The following MAP3K15 variants were observed in gnomAD, a reference collection of about 807,000 sequenced individuals.
MAP3K15 encodes mitogen-activated protein kinase kinase kinase 15, also known as MAPK/ERK kinase kinase 15.
A neutral mutation model predicts 99.5 loss-of-function variants in MAP3K15; 124 were observed. That is an observed-to-expected ratio of 1.25 (90% CI 1.08 to 1.45). The LOEUF is 1.45. Ranked by LOEUF, MAP3K15 falls within the 40% of genes most tolerant of loss-of-function variation. The pLI, the probability that MAP3K15 is intolerant of heterozygous loss-of-function variation, is 0.00. For missense variants in MAP3K15, 1,242 were observed against 1,079.7 expected (o/e 1.15, Z -2.11); for synonymous variants, 494 against 439.6 (o/e 1.12, Z -1.55).
In MAP3K15 at chrX:19,515,121, G is replaced by A; in HGVS notation, c.141C>T (p.Gly47=). 1 of 806,592 alleles carries A rather than the reference G, an allele frequency of 1.2e-6. No homozygotes were observed. Among genetic ancestry groups the A allele is most frequent in the Non-Finnish European group, 1.5e-6 (1 of 652,773 alleles). 66.5% of individuals were successfully genotyped at this position (806,592 alleles called of 1,213,427 possible). A position where few individuals can be genotyped will look rare whatever the true frequency, so the allele number is the denominator to read the frequency against. ...CGCCCCCACTCTCGCCCTCGCCGCT[G>A]CCGCCTGCCGCGCCCTCCGCCGCCC... The part of the protein sequence containing the change: ...PDGAAEGAAG[G]SGEGESGGGP... Residue 47 remains glycine (G), a synonymous_variant, in exon 1 of 29, where the codon GGC becomes GGT. Coordinates refer to ENST00000338883, the MANE Select transcript of MAP3K15 (RefSeq NM_001001671.4).
At chrX:19,435,981 C>G (rs1339091803) in intron 6 of MAP3K15, among the ~76,000 whole-genome samples, 1 of 111,121 alleles carries the variant, frequency 9.0e-6, no homozygotes, top group Non-Finnish European at 1.9e-5. Flanking sequence ...TGGTGAAACC[C>G]TGTCTCCACT....
At chrX:19,512,720 A>C (rs760012436) in intron 1 of MAP3K15, among the ~76,000 whole-genome samples, 149 of 103,353 alleles carry the variant, frequency 1.4e-3, no homozygotes, top group African/African-American at 5.4e-3. Flanking sequence ...TGGCCTTCCA[A>C]AGGGCTGGGA....
intron 4 of MAP3K15, among the ~76,000 whole-genome samples, chrX:19,462,462 T>A (rs2064139445): frequency 8.9e-6 from 1 of 112,412 alleles, no homozygotes; most frequent in South Asian, 3.7e-4. Context: ...TGGTGGACTA[T>A]AAAGGCACTG....
rs769915784 is a variant in MAP3K15 at position 19,486,027 on chromosome X, C to G, written c.525+455G>C. On this transcript the variant is annotated intron_variant, in intron 3 of 28. Coordinates refer to ENST00000338883, the MANE Select transcript of MAP3K15 (RefSeq NM_001001671.4). ...AAATGGGACAGAAGGAAGTAGAATT[C>G]CATCCCACTTCTTTTCCGTTTGTGG... Among the ~76,000 whole-genome samples, 11 of 111,985 alleles carry G rather than the reference C, an allele frequency of 9.8e-5. No individual in the cohort carries two copies. In the East Asian group the frequency reaches 2.2e-3, roughly 23 times the overall value.
At chrX:19,446,038 G>A (rs1165596144) in intron 6 of MAP3K15, among the ~76,000 whole-genome samples, 4 of 111,918 alleles carry the variant, frequency 3.6e-5, no homozygotes, top group Non-Finnish European at 1.9e-5. Flanking sequence ...CTGAGGTAGT[G>A]GGCAAATAAT....
intron 13 of MAP3K15, among the ~76,000 whole-genome samples, chrX:19,401,482 G>C (rs975178882): frequency 9.0e-6 from 1 of 111,627 alleles, no homozygotes; most frequent in African/African-American, 3.3e-5. Context: ...ATGAGCCCCC[G>C]CACCCAGCCT....
Position 19,392,075 on chromosome X carries a change from T to C in MAP3K15, c.2358A>G (p.Gly786=). 8.3e-7 allele frequency: 1 copy of C among 1,210,523 alleles called. No individual in the cohort carries two copies. Among genetic ancestry groups the C allele is most frequent in the Non-Finnish European group, 1.1e-6 (1 of 894,384 alleles). ...GDNVLVNTYS[G]VVKISDFGTS... Reference sequence around the variant, plus strand: ...TTCCAAAATCGGAGATTTTCACCACTCCGCTGTAGGTGTTCACCAGAACAT... The same window carrying C: ...TTCCAAAATCGGAGATTTTCACCACCCCGCTGTAGGTGTTCACCAGAACAT... The change falls in exon 18 of 29, where the codon GGA becomes GGG. Residue 786 remains glycine (G), a synonymous_variant. Transcript: ENST00000338883.
At chrX:19,472,083 G>A (rs2064211547) in intron 3 of MAP3K15, among the ~76,000 whole-genome samples, 1 of 110,360 alleles carries the variant, frequency 9.1e-6, no homozygotes, top group African/African-American at 3.3e-5. Flanking sequence ...CATTAGCCGG[G>A]CGTAGTGGCA....
chrX:19,379,801 T>C lies in MAP3K15; in HGVS notation c.2589+319A>G, dbSNP rs569414261. ...ACCAATGGTCCCCCCAATCACCAGGTGAATCTAAGATGAGCTCCTTGTGAC... is the reference window on the plus strand; with the variant it reads ...ACCAATGGTCCCCCCAATCACCAGGCGAATCTAAGATGAGCTCCTTGTGAC... On this transcript the variant is annotated intron_variant, in intron 19 of 28. Coordinates refer to ENST00000338883, the MANE Select transcript of MAP3K15 (RefSeq NM_001001671.4). Among the ~76,000 whole-genome samples the C allele has an allele frequency of 1.1e-4, 12 of 111,452 alleles. No individual in the cohort carries two copies. In the South Asian group the frequency reaches 4.5e-3, roughly 42 times the overall value.
chrX:19,360,882 G>A, intron 28 of MAP3K15, 49 bp from the exon 29 acceptor site: 1 of 999,898 alleles, frequency 1.0e-6, no homozygotes, highest in East Asian at 3.1e-5. Context: ...CAAGCCAACA[G>A]AGCTTAAAAC....
At chrX:19,493,762 A>T (rs2064383195) in intron 1 of MAP3K15, among the ~76,000 whole-genome samples, 1 of 110,920 alleles carries the variant, frequency 9.0e-6, no homozygotes, top group Non-Finnish European at 1.9e-5. Flanking sequence ...CAGGTAGAAA[A>T]ATGAAGTGCA....
At chrX:19,423,743 G>C (rs183899579) in intron 9 of MAP3K15, among the ~76,000 whole-genome samples, 21 of 111,666 alleles carry the variant, frequency 1.9e-4, no homozygotes, top group Admixed American at 1.8e-3. Context: ...TGCCAGCTAA[G>C]AGCATCTCTG....
intron 6 of MAP3K15, among the ~76,000 whole-genome samples, chrX:19,449,876 C>G (rs1011514782): frequency 9.2e-6 from 1 of 108,620 alleles, no homozygotes; most frequent in African/African-American, 3.3e-5. Flanking sequence ...TCTGTGGTGG[C>G]AATCTCTGTA....
chrX:19,470,780 A>C (rs1214100442), intron 3 of MAP3K15, among the ~76,000 whole-genome samples: 1 of 112,299 alleles, frequency 8.9e-6, no homozygotes, highest in Non-Finnish European at 1.9e-5. Flanking sequence ...CACATATGGG[A>C]AAAACAGTAG....
intron 1 of MAP3K15, among the ~76,000 whole-genome samples, chrX:19,509,425 C>T (rs779460274): frequency 8.9e-6 from 1 of 111,967 alleles, no homozygotes; most frequent in South Asian, 3.7e-4. Context: ...AATTAGAACT[C>T]AGGATTAAGA....
At chrX:19,463,590 T>C (rs1223732966) in intron 4 of MAP3K15, among the ~76,000 whole-genome samples, 1 of 112,309 alleles carries the variant, frequency 8.9e-6, no homozygotes, top group Non-Finnish European at 1.9e-5. Flanking sequence ...TCTTGAGCAC[T>C]GAGGCTCCAA....
At chrX:19,373,460 C>A in intron 21 of MAP3K15, 76 bp downstream of exon 21, 1 of 1,117,712 alleles carries the variant, frequency 8.9e-7, no homozygotes, top group Non-Finnish European at 1.2e-6. Context: ...CTGGTTGGGA[C>A]CAGGGAGGTG....
intron 1 of MAP3K15, among the ~76,000 whole-genome samples, chrX:19,504,692 G>A (rs2064463634): frequency 8.9e-6 from 1 of 111,871 alleles, no homozygotes; most frequent in South Asian, 3.7e-4. Context: ...GGCTGGGCAC[G>A]GTGGGTCATG....
intron 4 of MAP3K15, among the ~76,000 whole-genome samples, chrX:19,461,541 T>C (rs761358198): frequency 8.9e-6 from 1 of 112,731 alleles, no homozygotes; most frequent in African/African-American, 3.2e-5. Context: ...TATTATCTGG[T>C]ATTTGGTTTA....
Sources: allele counts gnomAD v4.1 joint callset (sites outside exome capture counted in the v4.1 genomes callset), GRCh38; gene constraint gnomAD v4.1.1; transcripts MANE v1.5; gene names NCBI Gene and HGNC (gene_info 2026-07-23, HGNC 2026-07-21).